SLC31A1: variants seen among roughly 807,000 people sequenced by gnomAD.
The protein encoded by SLC31A1 is solute carrier family 31 member 1.
In SLC31A1, 5 loss-of-function variants were observed where a neutral mutation model predicts 17.2. The ratio of observed to expected loss-of-function variants is 0.29; its 90% CI spans 0.15 to 0.61. The LOEUF (loss-of-function observed/expected upper bound fraction) is 0.61, where lower values mean the gene tolerates loss of function less well. Among genes scored for constraint, SLC31A1 ranks in the 20% least tolerant of loss-of-function variants. The pLI is 0.86. For synonymous variants in SLC31A1, 76 were observed against 78.8 expected, an observed-to-expected ratio of 0.96 and a Z score of 0.19; for missense variants, 161 against 241.4, an observed-to-expected ratio of 0.67 and a Z score of 2.21.
At chr9:113,247,679 C>G (rs1166928031) in intron 1 of SLC31A1, among the ~76,000 whole-genome samples, 5 of 152,146 alleles carry the variant, frequency 3.3e-5, no homozygotes, top group Non-Finnish European at 5.9e-5. Context: ...GTGAAACACT[C>G]TTGACTATAA....
chr9:113,226,898 CAT>C (rs944402576), intron 1 of SLC31A1, among the ~76,000 whole-genome samples: 8 of 152,282 alleles, frequency 5.3e-5, no homozygotes, highest in Admixed American at 3.3e-4. Flanking sequence ...TGGTGTAACT[CAT>C]ACACCCGCAT....
At chr9:113,233,275 G>A (rs1322369991) in intron 1 of SLC31A1, among the ~76,000 whole-genome samples, 1 of 151,598 alleles carries the variant, frequency 6.6e-6, no homozygotes, top group African/African-American at 2.4e-5. Flanking sequence ...ATCTCCTTGT[G>A]TATTTGAATA....
chr9:113,237,229 T>C (rs1222505487), intron 1 of SLC31A1, among the ~76,000 whole-genome samples: 6 of 152,180 alleles, frequency 3.9e-5, no homozygotes, highest in Non-Finnish European at 8.8e-5. Context: ...TAGCGCATAC[T>C]GTATGCCAGA....
In SLC31A1 at chr9:113,263,224, T is replaced by G. The variant is rs1429276643; in HGVS notation, c.*2751T>G. On this transcript the variant is annotated 3_prime_UTR_variant, in exon 5 of 5. Transcript: ENST00000374212. Reference sequence around the variant, plus strand: ...TGACTTTGAAATTCACAGAAAGAAATAACAGTTTAGATTAGGTCTTCAGGT... The same window carrying G: ...TGACTTTGAAATTCACAGAAAGAAAGAACAGTTTAGATTAGGTCTTCAGGT... The G allele has an allele frequency of 2.0e-5, 3 of 152,012 alleles. No individual in the cohort carries two copies. The highest frequency in any genetic ancestry group is 2.9e-5 in the Non-Finnish European group (2 of 67,998). The allele number at this position is 152,012 out of a possible 1,614,324, so 9.4% of individuals were successfully genotyped here. A position where few individuals can be genotyped will look rare whatever the true frequency, so the allele number is the denominator to read the frequency against.
intron 1 of SLC31A1, among the ~76,000 whole-genome samples, chr9:113,252,946 C>CTTTTTTTTTTTTT (rs1282361795): frequency 3.5e-5 from 4 of 113,708 alleles, no homozygotes; most frequent in Non-Finnish European, 5.3e-5. Context: ...CTTTTCTTTT[C>CTTTTTTTTTTTTT]TTTTTTTCTT....
intron 1 of SLC31A1, among the ~76,000 whole-genome samples, chr9:113,250,445 G>A (rs1463653840): frequency 2.7e-4 from 41 of 149,466 alleles, no homozygotes; most frequent in Admixed American, 1.0e-3. Context: ...ACCAAACACC[G>A]CATATTCTCA....
intron 1 of SLC31A1, among the ~76,000 whole-genome samples, chr9:113,222,273 G>A (rs1831287720): frequency 6.6e-6 from 1 of 152,110 alleles, no homozygotes; most frequent in African/African-American, 2.4e-5. Flanking sequence ...ATATTCTGGC[G>A]GTGGGTGATG....
chr9:113,241,761 G>A (rs1322838486), intron 1 of SLC31A1, among the ~76,000 whole-genome samples: 5 of 152,186 alleles, frequency 3.3e-5, no homozygotes, highest in Admixed American at 3.3e-4. Context: ...ATCTGCAGTT[G>A]ATAAAGATGA....
At chr9:113,239,460 A>G (rs1306116853) in intron 1 of SLC31A1, among the ~76,000 whole-genome samples, 3 of 152,118 alleles carry the variant, frequency 2.0e-5, no homozygotes, top group African/African-American at 7.2e-5. Flanking sequence ...ATCTATAAAG[A>G]TTTTTTTCCT....
In SLC31A1 at chr9:113,256,252, G is replaced by A; in HGVS notation, c.104G>A (p.Gly35Glu). ...PTTSASHSHG[G>E]GDSSMMMMPM... ...ACTTCAGCCTCACACTCCCATGGTG[G>A]AGGAGACAGCAGCATGATGATGATG... is the stretch of plus-strand genomic sequence containing the variant. The change falls in exon 2 of 5, where the codon GGA (glycine) becomes GAA (glutamate). Residue 35 changes from glycine to glutamate, a missense_variant. Transcript: ENST00000374212. 3.7e-6 allele frequency: 6 copies of A among 1,613,996 alleles called. No homozygotes were observed. The highest frequency in any genetic ancestry group is 1.1e-5 in the South Asian group (1 of 91,072).
Position 113,237,645 on chromosome 9 carries a change from T to G in SLC31A1, c.-36+15967T>G, listed in dbSNP as rs554623935. Among the ~76,000 whole-genome samples, 33 of 152,368 alleles carry G rather than the reference T, an allele frequency of 2.2e-4. No individual in the cohort carries two copies. The East Asian group carries it at 6.4e-3, about 29-fold the overall frequency. ...ATGATGACCACTAGACTAACTGCCC[T>G]GTGACCTTGGCTAGCCTTTTAACCT... On this transcript the variant is annotated intron_variant, in intron 1 of 4. Coordinates refer to ENST00000374212, the MANE Select transcript of SLC31A1 (RefSeq NM_001859.4).
chr9:113,255,025 A>G (rs1424309102), intron 1 of SLC31A1, among the ~76,000 whole-genome samples: 1 of 152,222 alleles, frequency 6.6e-6, no homozygotes, highest in East Asian at 1.9e-4. Flanking sequence ...TTAATTTAAT[A>G]TAGAGTATCC....
intron 4 of SLC31A1, 99 bp from the exon 5 acceptor site, chr9:113,260,173 C>T: frequency 9.9e-7 from 1 of 1,011,044 alleles, no homozygotes; most frequent in Non-Finnish European, 1.6e-6. Flanking sequence ...AGTGGCTGTC[C>T]AGTTCCAGCT....
Position 113,257,192 on chromosome 9 carries a change from A to G in SLC31A1, c.202+7A>G, listed in dbSNP as rs1429939427. ...GTGATCAATACAGCTGGAGGTGAGTAAGCCATTAGGTAGTGTTGGAAGGTG... is the reference window on the plus strand; with the variant it reads ...GTGATCAATACAGCTGGAGGTGAGTGAGCCATTAGGTAGTGTTGGAAGGTG... On this transcript the variant is annotated splice_region_variant and intron_variant, in intron 3 of 4. Coordinates refer to ENST00000374212, the MANE Select transcript of SLC31A1 (RefSeq NM_001859.4). The G allele has an allele frequency of 1.2e-6, 2 of 1,611,510 alleles. No homozygotes were observed. The highest frequency in any genetic ancestry group is 8.5e-7 in the Non-Finnish European group (1 of 1,177,844).
At chr9:113,222,425 C>T (rs969596574) in intron 1 of SLC31A1, among the ~76,000 whole-genome samples, 1 of 151,294 alleles carries the variant, frequency 6.6e-6, no homozygotes, top group Non-Finnish European at 1.5e-5. Flanking sequence ...CTGTATCTTA[C>T]ATAAGTATTT....
At chr9:113,221,792 C>T in intron 1 of SLC31A1, 114 bp downstream of exon 1, 1 of 187,530 alleles carries the variant, frequency 5.3e-6, no homozygotes, top group Non-Finnish European at 1.2e-5. Flanking sequence ...GGAGAAAGAG[C>T]TCGGGACTGG....
At chr9:113,227,840 T>A (rs1334876916) in intron 1 of SLC31A1, among the ~76,000 whole-genome samples, 1 of 152,230 alleles carries the variant, frequency 6.6e-6, no homozygotes, top group Admixed American at 6.5e-5. Context: ...AGCAATGCTT[T>A]GCCAATGTAT....
At chr9:113,237,952 T>C (rs1045259014) in intron 1 of SLC31A1, among the ~76,000 whole-genome samples, 2 of 152,242 alleles carry the variant, frequency 1.3e-5, no homozygotes, top group African/African-American at 4.8e-5. Context: ...AAGATATGAA[T>C]GCATTAACCT....
rs1016648074 is a variant in SLC31A1, at chr9:113,262,460, C to T, written c.*1987C>T. 5 of 152,576 alleles carry T rather than the reference C, an allele frequency of 3.3e-5. No individual in the cohort carries two copies. Among genetic ancestry groups the T allele is most frequent in the Non-Finnish European group, 5.9e-5 (4 of 68,056 alleles). The allele number at this position is 152,576 out of a possible 1,614,324, so 9.5% of individuals were successfully genotyped here. On this transcript the variant is annotated 3_prime_UTR_variant, in exon 5 of 5. Coordinates refer to ENST00000374212, the MANE Select transcript of SLC31A1 (RefSeq NM_001859.4). ...CAGTTGTGCCTCAGGGCAGAGGAAACAAAACACAGCTATCCTGTTGGCCTG... is the reference window on the plus strand; with the variant it reads ...CAGTTGTGCCTCAGGGCAGAGGAAATAAAACACAGCTATCCTGTTGGCCTG...
Sources: allele counts gnomAD v4.1 joint callset (sites outside exome capture counted in the v4.1 genomes callset), GRCh38; gene constraint gnomAD v4.1.1; transcripts MANE v1.5; gene names NCBI Gene and HGNC (gene_info 2026-07-23, HGNC 2026-07-21).